Variants in IL16 observed in about 807,000 individuals in gnomAD.
The protein encoded by IL16 is interleukin 16.
IL16 carries 67 observed loss-of-function variants against 110.1 expected under a neutral mutation model. That is an observed-to-expected ratio of 0.61 (90% CI 0.50 to 0.75). The LOEUF is 0.75. Among genes scored for constraint, IL16 ranks in the 30% least tolerant of loss-of-function variants. IL16 has a pLI of 0.00. For missense variants in IL16, 1,545 were observed against 1,655.0 expected (o/e 0.93, Z 1.15); for synonymous variants, 689 against 662.9 (o/e 1.04, Z -0.61).
At chr15:81,257,580 A>G (rs1334368849) in intron 2 of IL16, among the ~76,000 whole-genome samples, 1 of 152,184 alleles carries the variant, frequency 6.6e-6, no homozygotes. Context: ...GAGGGATTCC[A>G]GCAGAGCCCC....
At chr15:81,211,805 T>C (rs933090478) in intron 1 of IL16, among the ~76,000 whole-genome samples, 1 of 152,238 alleles carries the variant, frequency 6.6e-6, no homozygotes, top group East Asian at 1.9e-4. Context: ...GTTTATATGG[T>C]AAATCACATT....
intron 1 of IL16, among the ~76,000 whole-genome samples, chr15:81,218,159 C>CT (rs1896494954): frequency 6.6e-6 from 1 of 152,074 alleles, no homozygotes; most frequent in African/African-American, 2.4e-5. Context: ...AATATGAGAT[C>CT]TGCAAGTTTG....
At chr15:81,300,636 T>C (rs1373002384) in intron 14 of IL16, among the ~76,000 whole-genome samples, 161 bp downstream of exon 14, 1 of 151,866 alleles carries the variant, frequency 6.6e-6, no homozygotes, top group Non-Finnish European at 1.5e-5. Flanking sequence ...GATGTCTGAG[T>C]GTGTGTGTGT....
rs144242517 is a variant in IL16, at chr15:81,306,432, C to T, written c.3692C>T (p.Thr1231Ile). The T allele has an allele frequency of 6.8e-6, 11 of 1,613,940 alleles. No homozygotes were observed. In the African/African-American group the frequency reaches 1.5e-4, roughly 22 times the overall value. ...DVSVESTAEATVCTVTLEKMS... is the reference protein window; with the variant it reads ...DVSVESTAEAIVCTVTLEKMS... ...GTGTTTTTCTCAGCAGCAGAGGCCA[C>T]AGTCTGCACGGTGACACTGGAGAAG... is the stretch of plus-strand genomic sequence containing the variant. Residue 1231 changes from threonine to isoleucine, a missense_variant, in exon 18 of 19, where the codon ACA (threonine) becomes ATA (isoleucine). Thr to Ile is a moderately conservative substitution (Grantham distance 89, BLOSUM62 -1). This residue lies in a region of IL16 where 356 missense variants were observed against 399.3 expected (regional missense o/e 0.89). Coordinates refer to ENST00000683961, the MANE Select transcript of IL16 (RefSeq NM_172217.5).
intron 1 of IL16, among the ~76,000 whole-genome samples, chr15:81,198,944 C>T (rs1408753547): frequency 3.4e-5 from 5 of 148,800 alleles, no homozygotes; most frequent in Admixed American, 6.7e-5. Flanking sequence ...TGCTTGAACC[C>T]GGGAGGCGGA....
At chr15:81,238,065 G>T (rs1037599289) in intron 2 of IL16, among the ~76,000 whole-genome samples, 1 of 151,940 alleles carries the variant, frequency 6.6e-6, no homozygotes, top group African/African-American at 2.4e-5. Flanking sequence ...CACCAAGCCT[G>T]GCTAATTTTT....
intron 2 of IL16, among the ~76,000 whole-genome samples, chr15:81,247,072 T>C (rs113643384): frequency 2.5e-5 from 3 of 122,162 alleles, no homozygotes; most frequent in African/African-American, 1.3e-4. Flanking sequence ...TTTCTTTTCT[T>C]TTCCTTTTTT....
chr15:81,223,770 T>A (rs560848735), intron 1 of IL16, among the ~76,000 whole-genome samples: 6 of 152,234 alleles, frequency 3.9e-5, no homozygotes, highest in Non-Finnish European at 8.8e-5. Context: ...GGAGGCCCAG[T>A]TGGTGGCCAC....
Position 81,287,501 on chromosome 15 carries a change from A to G in IL16, c.1332+1671A>G, listed in dbSNP as rs139081069. 2.7e-3 allele frequency among the ~76,000 whole-genome samples: 412 copies of G among 152,340 alleles called. 4 individuals are homozygous for G. The highest frequency in any genetic ancestry group is 9.4e-3 in the African/African-American group (390 of 41,570). On this transcript the variant is annotated intron_variant, in intron 10 of 18. Coordinates refer to ENST00000683961, the MANE Select transcript of IL16 (RefSeq NM_172217.5). ...CACCACAAAGAATTATTTAATCTTA[A>G]TATGCACCAGGCATGTTTTTCAAAG...
intron 9 of IL16, among the ~76,000 whole-genome samples, chr15:81,284,015 AAAAAAAAAGAG>A: frequency 6.8e-6 from 1 of 146,794 alleles, no homozygotes; most frequent in South Asian, 2.3e-4. Context: ...AAAAAAAAAA[AAAAAAAAAGAG>A]AGAGAGAAGA....
chr15:81,208,863 C>A (rs1595948696), intron 1 of IL16, among the ~76,000 whole-genome samples: 1 of 152,148 alleles, frequency 6.6e-6, no homozygotes, highest in East Asian at 1.9e-4. Flanking sequence ...TAATCCCAGA[C>A]AATCCACTTT....
At chr15:81,293,774 A>G (rs1331824887) in intron 12 of IL16, among the ~76,000 whole-genome samples, 1 of 152,220 alleles carries the variant, frequency 6.6e-6, no homozygotes, top group Non-Finnish European at 1.5e-5. Flanking sequence ...CCCCTTGCAT[A>G]AAAGGCAGAC....
At chr15:81,281,081 A>G (rs79737534) in intron 8 of IL16, among the ~76,000 whole-genome samples, 5,405 of 152,276 alleles carry the variant, frequency 0.035, 275 homozygotes, top group African/African-American at 0.11. Flanking sequence ...ATCTTATGCA[A>G]TTCTGACGCC....
chr15:81,217,080 A>T (rs1385015745), intron 1 of IL16, among the ~76,000 whole-genome samples: 3 of 152,226 alleles, frequency 2.0e-5, no homozygotes, highest in Non-Finnish European at 4.4e-5. Flanking sequence ...GCAGAAATAA[A>T]TATGTTGGAA....
chr15:81,256,347 T>TA (rs1897944091), intron 2 of IL16, among the ~76,000 whole-genome samples: 1 of 151,080 alleles, frequency 6.6e-6, no homozygotes, highest in South Asian at 2.1e-4. Flanking sequence ...TTTTTTTTTT[T>TA]TTTTGAGACA....
intron 6 of IL16, among the ~76,000 whole-genome samples, chr15:81,276,469 G>C (rs1898914970): frequency 6.6e-6 from 1 of 152,200 alleles, no homozygotes; most frequent in African/African-American, 2.4e-5. Context: ...AGAGGGGACA[G>C]AGCCTTGGGT....
intron 1 of IL16, among the ~76,000 whole-genome samples, chr15:81,207,185 C>T (rs1204832343): frequency 2.0e-5 from 3 of 147,312 alleles, no homozygotes; most frequent in Non-Finnish European, 4.4e-5. Context: ...TTGCAGTGAG[C>T]TGAGATCATG....
At position 81,313,447 on chromosome 15, in the gene IL16, G is replaced by A. The variant is rs1345200647; in HGVS notation, c.*4649G>A. 1 of 1,456,460 alleles carries A rather than the reference G, an allele frequency of 6.9e-7. No individual in the cohort carries two copies. Among genetic ancestry groups the A allele is most frequent in the East Asian group, 2.6e-5 (1 of 37,890 alleles). The allele number at this position is 1,456,460 out of a possible 1,614,324, so 90.2% of individuals were successfully genotyped here. A position where few individuals can be genotyped will look rare whatever the true frequency, so the allele number is the denominator to read the frequency against. On this transcript the variant is annotated 3_prime_UTR_variant, in exon 19 of 19. Transcript: ENST00000683961. ...AGCTGTGTTATGATCTGCAGCAGAG[G>A]TGCTGGGGACGAGCGCCAGGCAGGT... is the stretch of plus-strand genomic sequence containing the variant.
In IL16 at chr15:81,211,581, T is replaced by C. The variant is rs368601824; in HGVS notation, c.-101-13718T>C. Among the ~76,000 whole-genome samples the C allele has an allele frequency of 4.4e-4, 67 of 152,284 alleles. No individual in the cohort carries two copies. The South Asian group carries it at 0.013, about 31-fold the overall frequency. ...TTTTGTATTTTTAGTAAAAACAAGG[T>C]CTCACTATGTTGTCTTGGCTGGCCT... On this transcript the variant is annotated intron_variant, in intron 1 of 18. Coordinates refer to ENST00000683961, the MANE Select transcript of IL16 (RefSeq NM_172217.5).
Sources: gnomAD v4.1 joint callset for allele counts (sites outside exome capture counted in the v4.1 genomes callset) on GRCh38, gnomAD v4.1.1 for gene constraint, gnomAD v4.1.1 regional missense constraint, MANE v1.5 for transcripts, NCBI Gene and HGNC (gene_info 2026-07-23, HGNC 2026-07-21) for gene names.